SSH2: variants seen among roughly 807,000 people sequenced by gnomAD.
The protein encoded by SSH2 is slingshot protein phosphatase 2, also known as protein phosphatase Slingshot homolog 2.
SSH2 carries 37 observed loss-of-function variants against 135.2 expected under a neutral mutation model. That is an observed-to-expected ratio of 0.27 (90% CI 0.21 to 0.36). The LOEUF is 0.36. Ranked by LOEUF, SSH2 falls within the 10% of genes least tolerant of loss-of-function variation. The probability of loss-of-function intolerance (pLI) is 1.00; values close to 1 mark genes in which losing one functional copy is unlikely to be tolerated. For missense variants in SSH2, 1,408 were observed against 1,765.3 expected (o/e 0.80, Z 3.63); for synonymous variants, 628 against 646.2 (o/e 0.97, Z 0.43).
At chr17:29,847,518 T>C (rs962715325) in intron 2 of SSH2, among the ~76,000 whole-genome samples, 21 of 152,178 alleles carry the variant, frequency 1.4e-4, no homozygotes, top group Admixed American at 4.6e-4. Context: ...GAGACAGTTA[T>C]CTAAATGACA....
intron 3 of SSH2, among the ~76,000 whole-genome samples, chr17:29,752,842 A>AAG (rs1555627554): frequency 6.6e-6 from 1 of 150,808 alleles, no homozygotes; most frequent in Non-Finnish European, 1.5e-5. Context: ...AAATCACAGA[A>AAG]AAAAAAAAAA....
At chr17:29,793,645 T>A (rs567387673) in intron 3 of SSH2, 341 of 305,706 alleles carry the variant, frequency 1.1e-3, no homozygotes, top group Middle Eastern at 2.9e-3. Flanking sequence ...TTTTTTTTTT[T>A]AAAAAACGGA....
chr17:29,674,407 T>A (rs2037620241), intron 8 of SSH2, among the ~76,000 whole-genome samples: 1 of 152,194 alleles, frequency 6.6e-6, no homozygotes, highest in South Asian at 2.1e-4. Context: ...TGCATGTTTC[T>A]TCATCTAGGA....
chr17:29,766,755 A>G (rs2041456845), intron 3 of SSH2, among the ~76,000 whole-genome samples: 1 of 152,186 alleles, frequency 6.6e-6, no homozygotes, highest in African/African-American at 2.4e-5. Flanking sequence ...GGCTCGATGT[A>G]GAAAAATAAA....
intron 3 of SSH2, among the ~76,000 whole-genome samples, chr17:29,714,220 A>G (rs977997765): frequency 6.6e-6 from 1 of 152,060 alleles, no homozygotes; most frequent in East Asian, 1.9e-4. Context: ...ATGATGACCA[A>G]CATGTCTCTT....
chr17:29,863,943 T>C (rs7210991), intron 1 of SSH2: 63,268 of 152,030 alleles, frequency 0.42, 15,151 homozygotes, highest in East Asian at 0.69. Context: ...CAACTGAGGA[T>C]GCCAGCTTCT....
At chr17:29,706,398 G>A (rs910518607) in intron 3 of SSH2, among the ~76,000 whole-genome samples, 1 of 152,140 alleles carries the variant, frequency 6.6e-6, no homozygotes, top group Non-Finnish European at 1.5e-5. Context: ...TGCTGGCTGG[G>A]GGTGGTGGTG....
At chr17:29,850,823 A>C (rs2065541678) in intron 1 of SSH2, among the ~76,000 whole-genome samples, 1 of 152,268 alleles carries the variant, frequency 6.6e-6, no homozygotes, top group African/African-American at 2.4e-5. Flanking sequence ...GTCTCTACTA[A>C]AAATGCAAAA....
chr17:29,643,713 C>T (rs968031950), intron 14 of SSH2, among the ~76,000 whole-genome samples: 3 of 152,072 alleles, frequency 2.0e-5, no homozygotes, highest in Admixed American at 6.6e-5. Context: ...AGGCTGGTCT[C>T]GAACTCCTGA....
chr17:29,819,646 T>C (rs893014222), intron 2 of SSH2, among the ~76,000 whole-genome samples: 2 of 152,210 alleles, frequency 1.3e-5, no homozygotes, highest in Admixed American at 6.5e-5. Context: ...TCTATCTATG[T>C]GTATTATGTG....
At chr17:29,914,783 A>C (rs1476867642) in intron 1 of SSH2, among the ~76,000 whole-genome samples, 1 of 152,198 alleles carries the variant, frequency 6.6e-6, no homozygotes. Flanking sequence ...AACAAACAAC[A>C]GTTCTATCTT....
chr17:29,678,565 G>C lies in SSH2; in HGVS notation c.480-824C>G, dbSNP rs547212650. Among the ~76,000 whole-genome samples the C allele has an allele frequency of 5.3e-5, 8 of 152,268 alleles. No individual in the cohort carries two copies. The South Asian group carries it at 1.2e-3, about 24-fold the overall frequency. Reference sequence around the variant, plus strand: ...GTAATTGTTAATAGTTTGTGATCAAGATAGGCAAAATAGACATAACAAAAC... The same window carrying C: ...GTAATTGTTAATAGTTTGTGATCAACATAGGCAAAATAGACATAACAAAAC... On this transcript the variant is annotated intron_variant, in intron 6 of 15. Coordinates refer to ENST00000540801, the MANE Select transcript of SSH2 (RefSeq NM_001282129.2).
At chr17:29,725,691 T>C (rs1045569505) in intron 3 of SSH2, among the ~76,000 whole-genome samples, 30 of 152,118 alleles carry the variant, frequency 2.0e-4, no homozygotes, top group Admixed American at 5.9e-4. Context: ...AAGTGGGAGT[T>C]GAACAATGAG....
chr17:29,818,656 C>T (rs961192682), intron 2 of SSH2, among the ~76,000 whole-genome samples: 3 of 152,122 alleles, frequency 2.0e-5, no homozygotes, highest in South Asian at 2.1e-4. Context: ...ATGAGTACAC[C>T]TGATAGGAAG....
chr17:29,734,424 A>G lies in SSH2; in HGVS notation c.189-31362T>C, dbSNP rs142392477. 5.9e-5 allele frequency among the ~76,000 whole-genome samples: 9 copies of G among 152,318 alleles called. No homozygotes were observed. In the East Asian group the frequency reaches 1.7e-3, roughly 29 times the overall value. On this transcript the variant is annotated intron_variant, in intron 3 of 15. Coordinates refer to ENST00000540801, the MANE Select transcript of SSH2 (RefSeq NM_001282129.2). ...GTAGGCTGCAGAAATCAGCCTTAGT[A>G]GCAAAGAATGGCTTAATGGGTTGAA...
At chr17:29,829,208 GCAAC>G (rs1489575203) in intron 2 of SSH2, among the ~76,000 whole-genome samples, 1 of 152,152 alleles carries the variant, frequency 6.6e-6, no homozygotes, top group Non-Finnish European at 1.5e-5. Context: ...GAAGTGCTCT[GCAAC>G]CATTATCTCA....
chr17:29,784,962 G>A (rs974386232), intron 3 of SSH2, among the ~76,000 whole-genome samples: 2 of 151,982 alleles, frequency 1.3e-5, no homozygotes, highest in African/African-American at 4.8e-5. Flanking sequence ...AAACAACTGA[G>A]GAAAAGACCA....
chr17:29,656,330 C>T (rs546773179), intron 11 of SSH2, among the ~76,000 whole-genome samples: 1 of 152,256 alleles, frequency 6.6e-6, no homozygotes, highest in African/African-American at 2.4e-5. Context: ...GTGCGCGCCA[C>T]CATGCCCAGC....
At chr17:29,831,656 C>T (rs1249264487) in intron 2 of SSH2, among the ~76,000 whole-genome samples, 2 of 150,626 alleles carry the variant, frequency 1.3e-5, no homozygotes, top group Admixed American at 6.6e-5. Context: ...ACTGCAACCT[C>T]TGCCTCCTGG....
Sources: gnomAD v4.1 joint callset for allele counts (sites outside exome capture counted in the v4.1 genomes callset) on GRCh38, gnomAD v4.1.1 for gene constraint, MANE v1.5 for transcripts, NCBI Gene and HGNC (gene_info 2026-07-23, HGNC 2026-07-21) for gene names.